Variants in SEMA3E observed in about 807,000 individuals in gnomAD.
The protein encoded by SEMA3E is semaphorin-3E.
SEMA3E carries 49 observed loss-of-function variants against 93.6 expected under a neutral mutation model. The observed-to-expected ratio is 0.52, with a 90% CI of 0.42 to 0.66. The LOEUF is 0.66. Among genes scored for constraint, SEMA3E ranks in the 30% least tolerant of loss-of-function variants. The pLI is 0.00. For missense variants in SEMA3E, 906 were observed against 964.8 expected (o/e 0.94, Z 0.81); for synonymous variants, 363 against 330.7 (o/e 1.10, Z -1.06).
At chr7:83,477,678 T>G (rs1452247923) in intron 2 of SEMA3E, among the ~76,000 whole-genome samples, 1 of 152,092 alleles carries the variant, frequency 6.6e-6, no homozygotes, top group Non-Finnish European at 1.5e-5. Context: ...TGCATGGCCT[T>G]TTGTATGGAT....
In SEMA3E at chr7:83,648,626, G is replaced by T; in HGVS notation, c.-84C>A. ...CTTAGGACTTCCCTCCAGGGGCAGC[G>T]TGCGAGAGGCTTTGTCAGAAATCGA... On this transcript the variant is annotated 5_prime_UTR_variant, in exon 1 of 17. Transcript: ENST00000643230. 2.1e-6 allele frequency: 2 copies of T among 975,222 alleles called. No individual in the cohort carries two copies. The highest frequency in any genetic ancestry group is 1.6e-6 in the Non-Finnish European group (1 of 617,280). The allele number at this position is 975,222 out of a possible 1,614,324, so 60.4% of individuals were successfully genotyped here.
At chr7:83,540,406 A>T (rs1294713056) in intron 1 of SEMA3E, among the ~76,000 whole-genome samples, 1 of 152,220 alleles carries the variant, frequency 6.6e-6, no homozygotes, top group Admixed American at 6.5e-5. Flanking sequence ...TCCAATATAT[A>T]TTAAGCTAAG....
In SEMA3E at chr7:83,577,669, T is replaced by C. The variant is rs144076526; in HGVS notation, c.115+70759A>G. 2.9e-3 allele frequency among the ~76,000 whole-genome samples: 445 copies of C among 152,298 alleles called. 3 individuals carry two copies. The highest frequency in any genetic ancestry group is 0.01 in the African/African-American group (417 of 41,558). ...CAATAAAGTGTTGGCAAATTCTCCA[T>C]TCATTTTTCAAACACAGATGAAATG... On this transcript the variant is annotated intron_variant, in intron 1 of 16. Coordinates refer to ENST00000643230, the MANE Select transcript of SEMA3E (RefSeq NM_012431.3).
intron 1 of SEMA3E, among the ~76,000 whole-genome samples, chr7:83,535,962 T>C (rs2115743578): frequency 6.6e-6 from 1 of 152,272 alleles, no homozygotes; most frequent in Middle Eastern, 3.4e-3. Flanking sequence ...AAGCAGGATC[T>C]CGTTAATCAA....
At chr7:83,584,844 G>A (rs748421516) in intron 1 of SEMA3E, among the ~76,000 whole-genome samples, 1 of 151,944 alleles carries the variant, frequency 6.6e-6, no homozygotes, top group Admixed American at 6.6e-5. Flanking sequence ...CTCCACTCTT[G>A]TCACCTCCAA....
chr7:83,505,706 T>C (rs1790687390), intron 1 of SEMA3E, among the ~76,000 whole-genome samples: 1 of 152,108 alleles, frequency 6.6e-6, no homozygotes, highest in Non-Finnish European at 1.5e-5. Context: ...TAAGAATTTA[T>C]GCTGAAGATA....
At chr7:83,474,276 C>G (rs1010829479) in intron 2 of SEMA3E, among the ~76,000 whole-genome samples, 1 of 151,866 alleles carries the variant, frequency 6.6e-6, no homozygotes, top group African/African-American at 2.4e-5. Context: ...GGGAATTTAT[C>G]AAAGTGATGA....
At chr7:83,599,354 A>G (rs1792937754) in intron 1 of SEMA3E, among the ~76,000 whole-genome samples, 1 of 152,176 alleles carries the variant, frequency 6.6e-6, no homozygotes, top group African/African-American at 2.4e-5. Context: ...AAGCAAAAGT[A>G]CAAAACTTCC....
chr7:83,636,675 A>G (rs1217948599), intron 1 of SEMA3E, among the ~76,000 whole-genome samples: 3 of 152,138 alleles, frequency 2.0e-5, no homozygotes, highest in East Asian at 3.9e-4. Context: ...TTTAGCAAGG[A>G]CAAAGAACGT....
rs746039519 is a variant in SEMA3E, at chr7:83,648,588, G to C, written c.-46C>G. 6.8e-6 allele frequency: 10 copies of C among 1,470,408 alleles called. No homozygotes were observed. In the African/African-American group the frequency reaches 1.3e-4, roughly 18 times the overall value. The allele number at this position is 1,470,408 out of a possible 1,614,324, so 91.1% of individuals were successfully genotyped here. A position where few individuals can be genotyped will look rare whatever the true frequency, so the allele number is the denominator to read the frequency against. ...AGCCCTCGCTCCTCACTTTAAGGAGGGTCTGAGTTTTACTTAGGACTTCCC... is the reference window on the plus strand; with the variant it reads ...AGCCCTCGCTCCTCACTTTAAGGAGCGTCTGAGTTTTACTTAGGACTTCCC... On this transcript the variant is annotated 5_prime_UTR_variant, in exon 1 of 17. Coordinates refer to ENST00000643230, the MANE Select transcript of SEMA3E (RefSeq NM_012431.3).
Position 83,482,390 on chromosome 7 carries a change from T to A in SEMA3E, c.276+7724A>T, listed in dbSNP as rs189811919. Among the ~76,000 whole-genome samples the A allele has an allele frequency of 5.6e-3, 840 of 150,928 alleles. 31 individuals carry two copies. Among genetic ancestry groups the A allele is most frequent in the Admixed American group, 0.052 (788 of 15,132 alleles). On this transcript the variant is annotated intron_variant, in intron 2 of 16. Coordinates refer to ENST00000643230, the MANE Select transcript of SEMA3E (RefSeq NM_012431.3). The stretch of plus-strand genomic sequence containing the variant: ...GACCATCCCAGCTAACAGGGTGAAA[T>A]CCCGTCTCTACTAAAAATACAAAAA...
chr7:83,611,174 C>G (rs891283534), intron 1 of SEMA3E, among the ~76,000 whole-genome samples: 6 of 150,052 alleles, frequency 4.0e-5, no homozygotes, highest in African/African-American at 7.3e-5. Flanking sequence ...GAAATCCCGT[C>G]TCTTACCTAC....
chr7:83,529,654 A>AG (rs1321972090), intron 1 of SEMA3E, among the ~76,000 whole-genome samples: 1 of 152,164 alleles, frequency 6.6e-6, no homozygotes, highest in East Asian at 1.9e-4. Flanking sequence ...GAAAGATGTC[A>AG]GAAAAAAGCT....
intron 1 of SEMA3E, among the ~76,000 whole-genome samples, chr7:83,511,062 A>G (rs1790807057): frequency 6.6e-6 from 1 of 152,182 alleles, no homozygotes; most frequent in South Asian, 2.1e-4. Context: ...GTTGAAATCT[A>G]CAAGTTTGAT....
intron 1 of SEMA3E, among the ~76,000 whole-genome samples, chr7:83,565,790 A>C (rs1792136504): frequency 1.3e-5 from 2 of 152,026 alleles, no homozygotes; most frequent in Admixed American, 1.3e-4. Flanking sequence ...TAAGGGTGAA[A>C]ATTTTATGAC....
At chr7:83,554,172 G>A (rs140295716) in intron 1 of SEMA3E, among the ~76,000 whole-genome samples, 65 of 152,170 alleles carry the variant, frequency 4.3e-4, no homozygotes, top group African/African-American at 1.3e-3. Flanking sequence ...CTAAATTCAT[G>A]TACATTGTAC....
chr7:83,539,843 G>C (rs1169205999), intron 1 of SEMA3E, among the ~76,000 whole-genome samples: 1 of 90,132 alleles, frequency 1.1e-5, no homozygotes, highest in Non-Finnish European at 2.5e-5. Flanking sequence ...TTTTTGTTTT[G>C]TTTTGTTGTT....
rs1240358374 is a variant in SEMA3E, at chr7:83,641,397, G to A, written c.115+7031C>T. The A allele has an allele frequency of 4.1e-6, 4 of 985,250 alleles. No homozygotes were observed. In the African/African-American group the frequency reaches 5.2e-5, roughly 13 times the overall value. 61.0% of individuals were successfully genotyped at this position (985,250 alleles called of 1,614,324 possible). Reference sequence around the variant, plus strand: ...ACTTTCCAAGTAAACAACACATGCTGAGCTGATAGCTGCCTATAGGACACT... The same window carrying A: ...ACTTTCCAAGTAAACAACACATGCTAAGCTGATAGCTGCCTATAGGACACT... On this transcript the variant is annotated intron_variant, in intron 1 of 16. Transcript: ENST00000643230.
At chr7:83,450,687 GA>G (rs992045386) in intron 4 of SEMA3E, among the ~76,000 whole-genome samples, 3 of 150,658 alleles carry the variant, frequency 2.0e-5, no homozygotes, top group South Asian at 2.1e-4. Context: ...TTCAATTTTT[GA>G]AAAAAAATCA....
Sources: gnomAD v4.1 joint callset for allele counts (sites outside exome capture counted in the v4.1 genomes callset) on GRCh38, gnomAD v4.1.1 for gene constraint, MANE v1.5 for transcripts, NCBI Gene and HGNC (gene_info 2026-07-23, HGNC 2026-07-21) for gene names.